Variants in LRCH1 observed in about 807,000 individuals in gnomAD.
LRCH1 encodes leucine-rich repeat and calponin homology domain-containing protein 1.
In LRCH1, 23 loss-of-function variants were observed where a neutral mutation model predicts 94.9. The ratio of observed to expected loss-of-function variants is 0.24; its 90% CI spans 0.17 to 0.34. LRCH1 has a LOEUF of 0.34. Ranked by LOEUF, LRCH1 falls within the 10% of genes least tolerant of loss-of-function variation. The probability of loss-of-function intolerance (pLI) is 1.00; values close to 1 mark genes in which losing one functional copy is unlikely to be tolerated. For synonymous variants in LRCH1, 364 were observed against 354.9 expected, an observed-to-expected ratio of 1.03 and a Z score of -0.29; for missense variants, 790 against 945.9, an observed-to-expected ratio of 0.84 and a Z score of 2.16.
chr13:46,689,951 T>C (rs1870813307), intron 7 of LRCH1, among the ~76,000 whole-genome samples: 1 of 152,146 alleles, frequency 6.6e-6, no homozygotes, highest in Non-Finnish European at 1.5e-5. Context: ...TGCTCTTCTT[T>C]TTTTGAGGGA....
chr13:46,591,295 T>C (rs538183939), intron 1 of LRCH1, among the ~76,000 whole-genome samples: 1 of 152,332 alleles, frequency 6.6e-6, no homozygotes, highest in East Asian at 1.9e-4. Flanking sequence ...AGCATATATA[T>C]GTGTTACTCA....
At chr13:46,599,001 C>T (rs2050597608) in intron 1 of LRCH1, among the ~76,000 whole-genome samples, 1 of 152,180 alleles carries the variant, frequency 6.6e-6, no homozygotes, top group Non-Finnish European at 1.5e-5. Flanking sequence ...TCCCTCTCTC[C>T]AGCTCAGCCC....
intron 2 of LRCH1, among the ~76,000 whole-genome samples, 180 bp from the exon 3 acceptor site, chr13:46,668,848 CAT>C (rs987612085): frequency 6.6e-6 from 1 of 151,356 alleles, no homozygotes; most frequent in African/African-American, 2.4e-5. Flanking sequence ...AAAAGAAAAA[CAT>C]ATTTTGTTTT....
intron 1 of LRCH1, among the ~76,000 whole-genome samples, chr13:46,588,961 G>GTATA (rs369834031): frequency 1.1e-4 from 16 of 150,222 alleles, no homozygotes; most frequent in African/African-American, 3.4e-4. Flanking sequence ...GCGGATGTGT[G>GTATA]TATATATATA....
At chr13:46,716,487 G>C (rs150953127) in intron 16 of LRCH1, among the ~76,000 whole-genome samples, 4 of 152,312 alleles carry the variant, frequency 2.6e-5, no homozygotes, top group African/African-American at 9.6e-5. Flanking sequence ...GTCGAGTTAA[G>C]TGAAACAGAG....
At chr13:46,651,441 A>T (rs545515027) in intron 2 of LRCH1, among the ~76,000 whole-genome samples, 1 of 152,034 alleles carries the variant, frequency 6.6e-6, no homozygotes, top group Non-Finnish European at 1.5e-5. Flanking sequence ...AGGCGGAGGG[A>T]TCGCCTGTCA....
chr13:46,601,829 T>C (rs968943246), intron 1 of LRCH1, among the ~76,000 whole-genome samples: 2 of 152,162 alleles, frequency 1.3e-5, no homozygotes, highest in African/African-American at 4.8e-5. Flanking sequence ...AGGCTGGGCT[T>C]GTATCATAGT....
At position 46,694,993 on chromosome 13, in the gene LRCH1, C is replaced by G; in HGVS notation, c.1221C>G (p.Leu407=). The part of the protein sequence containing the change: ...RDQFTDRADG[L]HSEFMNYKAR... The stretch of plus-strand genomic sequence containing the variant: ...AGTTTACTGATAGAGCAGATGGTCT[C>G]CATTCGGAATTTATGAACTATAAGG... The change falls in exon 9 of 20, where the codon CTC becomes CTG. Residue 407 remains leucine, a synonymous_variant. Coordinates refer to ENST00000389797, the MANE Select transcript of LRCH1 (RefSeq NM_001164211.2). The G allele has an allele frequency of 6.2e-7, 1 of 1,613,848 alleles. No individual in the cohort carries two copies. Among genetic ancestry groups the G allele is most frequent in the Non-Finnish European group, 8.5e-7 (1 of 1,179,900 alleles).
In LRCH1 at chr13:46,742,016, T is replaced by C; in HGVS notation, c.*168T>C. 6.8e-7 allele frequency: 1 copy of C among 1,471,766 alleles called. No homozygotes were observed. Among genetic ancestry groups the C allele is most frequent in the Non-Finnish European group, 8.9e-7 (1 of 1,120,478 alleles). 91.2% of individuals were successfully genotyped at this position (1,471,766 alleles called of 1,614,324 possible). On this transcript the variant is annotated 3_prime_UTR_variant, in exon 20 of 20. Coordinates refer to ENST00000389797, the MANE Select transcript of LRCH1 (RefSeq NM_001164211.2). Reference sequence around the variant, plus strand: ...AATCAGATTTTCCAGAAGCACAAACTTTGTAGAATACAGTTTAGTATAATT... The same window carrying C: ...AATCAGATTTTCCAGAAGCACAAACCTTGTAGAATACAGTTTAGTATAATT...
At chr13:46,717,100 A>C (rs1006308488) in intron 16 of LRCH1, among the ~76,000 whole-genome samples, 3 of 152,038 alleles carry the variant, frequency 2.0e-5, no homozygotes, top group African/African-American at 7.2e-5. Context: ...CTTATGTAGC[A>C]GTAGAATTAC....
At chr13:46,645,660 G>A (rs946439553) in intron 1 of LRCH1, among the ~76,000 whole-genome samples, 15 of 151,608 alleles carry the variant, frequency 9.9e-5, no homozygotes, top group Non-Finnish European at 1.6e-4. Flanking sequence ...AACATCTCAG[G>A]TGGTCGTAGA....
chr13:46,642,093 A>G (rs1015149624), intron 1 of LRCH1, among the ~76,000 whole-genome samples: 2 of 152,234 alleles, frequency 1.3e-5, no homozygotes, highest in Non-Finnish European at 2.9e-5. Context: ...GACAATGCCC[A>G]TTGTGGGTTG....
intron 16 of LRCH1, among the ~76,000 whole-genome samples, chr13:46,716,950 A>G (rs1872353288): frequency 6.6e-6 from 1 of 151,868 alleles, no homozygotes; most frequent in Admixed American, 6.6e-5. Context: ...TTCAGAAAGT[A>G]TAGCTATTTA....
At chr13:46,624,068 G>T (rs1298189506) in intron 1 of LRCH1, among the ~76,000 whole-genome samples, 1 of 151,848 alleles carries the variant, frequency 6.6e-6, no homozygotes, top group Non-Finnish European at 1.5e-5. Context: ...ATTTTTTATA[G>T]AGATGAGGTC....
At chr13:46,645,389 G>T (rs1052063824) in intron 1 of LRCH1, among the ~76,000 whole-genome samples, 1 of 152,110 alleles carries the variant, frequency 6.6e-6, no homozygotes, top group Non-Finnish European at 1.5e-5. Context: ...TTAAAATAAT[G>T]TGCCAATATT....
intron 1 of LRCH1, among the ~76,000 whole-genome samples, chr13:46,596,529 T>G (rs2137972780): frequency 6.6e-6 from 1 of 152,364 alleles, no homozygotes; most frequent in East Asian, 1.9e-4. Context: ...AAATTTTGAA[T>G]TTTATCTTAG....
At position 46,733,797 on chromosome 13, in the gene LRCH1, T is replaced by C. The variant is rs1364019283; in HGVS notation, c.2008-124T>C. The C allele has an allele frequency of 1.2e-5, 7 of 575,138 alleles. No individual in the cohort carries two copies. The Admixed American group carries it at 2.5e-4, about 20-fold the overall frequency. The allele number at this position is 575,138 out of a possible 1,614,324, so 35.6% of individuals were successfully genotyped here. The stretch of plus-strand genomic sequence containing the variant: ...TTGTTTTCTTCTATTTGCTTATGTG[T>C]TATTTTCTTTTGCTCCAATAAACAT... On this transcript the variant is annotated intron_variant, in intron 18 of 19. Transcript: ENST00000389797.
chr13:46,597,103 A>C (rs2050572650), intron 1 of LRCH1, among the ~76,000 whole-genome samples: 1 of 152,210 alleles, frequency 6.6e-6, no homozygotes, highest in Non-Finnish European at 1.5e-5. Flanking sequence ...CCCCAAATCC[A>C]TCCGTGAGGA....
downstream of LRCH1, among the ~76,000 whole-genome samples, chr13:46,748,100 A>G (rs139218555): frequency 5.8e-3 from 887 of 152,192 alleles, 13 homozygotes; most frequent in African/African-American, 0.02. Flanking sequence ...CTTCTTATTA[A>G]TCGGGCTTGT....
Sources: allele counts gnomAD v4.1 joint callset (sites outside exome capture counted in the v4.1 genomes callset), GRCh38; gene constraint gnomAD v4.1.1; transcripts MANE v1.5; gene names NCBI Gene and HGNC (gene_info 2026-07-23, HGNC 2026-07-21).